Variants in CCDC171 observed in about 807,000 individuals in gnomAD.
CCDC171 encodes coiled-coil domain-containing protein 171.
A neutral mutation model predicts 168.2 loss-of-function variants in CCDC171; 177 were observed. The observed-to-expected ratio is 1.05, with a 90% CI of 0.93 to 1.19. CCDC171 has a LOEUF of 1.19. CCDC171 is among the 50% of genes most tolerant of loss of function. The pLI is 0.00. For synonymous variants in CCDC171, 687 were observed against 540.8 expected, an observed-to-expected ratio of 1.27 and a Z score of -3.75; for missense variants, 1,991 against 1,539.0, an observed-to-expected ratio of 1.29 and a Z score of -4.91.
intron 20 of CCDC171, among the ~76,000 whole-genome samples, chr9:15,782,191 T>C (rs1040945031): frequency 6.6e-6 from 1 of 152,198 alleles, no homozygotes; most frequent in Admixed American, 6.5e-5. Context: ...TTCTTTATAG[T>C]TGGTCTAAAA....
chr9:15,839,831 T>G (rs9406544), intron 21 of CCDC171, among the ~76,000 whole-genome samples: 142,725 of 152,180 alleles, frequency 0.94, 66,987 homozygotes, highest in East Asian at 0.99. Flanking sequence ...CTAAAATTAA[T>G]ATAGAAATCA....
chr9:16,059,904 T>C (rs915123088), intron 1 of CCDC171, among the ~76,000 whole-genome samples: 2 of 151,982 alleles, frequency 1.3e-5, no homozygotes, highest in Non-Finnish European at 2.9e-5. Context: ...GGTGGTAGAA[T>C]GATGGAGCTC....
the CCDC171 span, among the ~76,000 whole-genome samples, chr9:16,095,866 G>GCACA: frequency 8.5e-5 from 3 of 35,330 alleles, no homozygotes; most frequent in African/African-American, 3.4e-4. Flanking sequence ...ACACACATAG[G>GCACA]CACATATATA....
chr9:15,943,133 A>C (rs934265686), intron 25 of CCDC171, among the ~76,000 whole-genome samples: 1 of 151,944 alleles, frequency 6.6e-6, no homozygotes, highest in African/African-American at 2.4e-5. Flanking sequence ...TCTATATTAC[A>C]TGTGTGTTTC....
chr9:15,824,707 A>T (rs551385212), intron 21 of CCDC171, among the ~76,000 whole-genome samples: 1 of 152,122 alleles, frequency 6.6e-6, no homozygotes, highest in African/African-American at 2.4e-5. Flanking sequence ...AGAAACAAGT[A>T]TCTTTGAATA....
chr9:15,800,993 T>G (rs2058795115), intron 21 of CCDC171, among the ~76,000 whole-genome samples: 1 of 152,120 alleles, frequency 6.6e-6, no homozygotes, highest in African/African-American at 2.4e-5. Context: ...GCCAGTACCA[T>G]GCTGTTTTGG....
At chr9:16,092,805 A>T in the CCDC171 span, among the ~76,000 whole-genome samples, 2 of 152,160 alleles carry the variant, frequency 1.3e-5, no homozygotes, top group Non-Finnish European at 2.9e-5. Context: ...GTCTCCATGG[A>T]CTGTCACGCT....
chr9:15,747,569 T>G (rs2055386650), intron 18 of CCDC171, among the ~76,000 whole-genome samples: 1 of 152,140 alleles, frequency 6.6e-6, no homozygotes, highest in Non-Finnish European at 1.5e-5. Flanking sequence ...GCAGCAATAC[T>G]TGCTGTTTTG....
intron 7 of CCDC171, among the ~76,000 whole-genome samples, chr9:15,645,051 A>G (rs1273554315): frequency 6.6e-6 from 1 of 152,216 alleles, no homozygotes; most frequent in East Asian, 1.9e-4. Context: ...AAGCTTCCAG[A>G]GGAACGATCA....
At chr9:15,918,607 C>G (rs1824876468) in intron 24 of CCDC171, among the ~76,000 whole-genome samples, 2 of 151,624 alleles carry the variant, frequency 1.3e-5, no homozygotes, top group African/African-American at 2.4e-5. Context: ...TAGCTATAAA[C>G]TTGCCTTGAA....
chr9:15,709,032 GA>G (rs2052458639), intron 11 of CCDC171, among the ~76,000 whole-genome samples: 1 of 152,066 alleles, frequency 6.6e-6, no homozygotes, highest in African/African-American at 2.4e-5. Flanking sequence ...AAAACGAGGG[GA>G]AAGGAACAGT....
chr9:15,975,154 A>G (rs929492015), downstream of CCDC171, among the ~76,000 whole-genome samples: 10 of 152,222 alleles, frequency 6.6e-5, no homozygotes, highest in Admixed American at 6.5e-4. Context: ...GCCAGTTATT[A>G]TAGCAAAACT....
At chr9:15,639,067 A>G (rs2046405755) in intron 7 of CCDC171, among the ~76,000 whole-genome samples, 1 of 152,104 alleles carries the variant, frequency 6.6e-6, no homozygotes, top group African/African-American at 2.4e-5. Context: ...TAACATAAAA[A>G]AGGGTAAAAG....
the CCDC171 span, among the ~76,000 whole-genome samples, chr9:16,094,568 T>C: frequency 6.6e-6 from 1 of 152,106 alleles, no homozygotes; most frequent in Non-Finnish European, 1.5e-5. Context: ...AAAGGACTGA[T>C]AGGGCTTTGT....
At chr9:15,749,583 C>G (rs1051744022) in intron 18 of CCDC171, among the ~76,000 whole-genome samples, 9 of 152,124 alleles carry the variant, frequency 5.9e-5, no homozygotes, top group African/African-American at 2.2e-4. Flanking sequence ...TAAAACACTC[C>G]TCAGCAAAAG....
chr9:16,081,213 T>A, the CCDC171 span, among the ~76,000 whole-genome samples: 2 of 152,224 alleles, frequency 1.3e-5, no homozygotes, highest in Admixed American at 1.3e-4. Context: ...TCTTTCTTGC[T>A]TGCTAATGGA....
intron 25 of CCDC171, among the ~76,000 whole-genome samples, chr9:15,962,557 A>G (rs1360055245): frequency 6.6e-6 from 1 of 152,104 alleles, no homozygotes; most frequent in Admixed American, 6.6e-5. Context: ...TGTAATATTT[A>G]ATTTTTACTG....
chr9:15,607,157 A>T (rs1465559683), intron 6 of CCDC171, among the ~76,000 whole-genome samples: 2 of 152,204 alleles, frequency 1.3e-5, no homozygotes, highest in African/African-American at 4.8e-5. Context: ...ATTTATATAT[A>T]CTCAATGCCC....
chr9:15,857,243 T>C (rs973326845), intron 23 of CCDC171, among the ~76,000 whole-genome samples: 1 of 151,944 alleles, frequency 6.6e-6, no homozygotes, highest in Non-Finnish European at 1.5e-5. Flanking sequence ...GTAGTTTCAC[T>C]TGTCTGTTTT....
Sources: gnomAD v4.1 joint callset for allele counts (sites outside exome capture counted in the v4.1 genomes callset) on GRCh38, gnomAD v4.1.1 for gene constraint, MANE v1.5 for transcripts, NCBI Gene and HGNC (gene_info 2026-07-23, HGNC 2026-07-21) for gene names.